The following NEXN variants were observed in gnomAD, a reference collection of about 807,000 sequenced individuals.
NEXN encodes nexilin F-actin binding protein, also known as nexilin.
A neutral mutation model predicts 92.6 loss-of-function variants in NEXN; 65 were observed. The ratio of observed to expected loss-of-function variants is 0.70; its 90% CI spans 0.57 to 0.86. NEXN has a LOEUF of 0.86. Among genes scored for constraint, NEXN ranks in the 40% least tolerant of loss-of-function variants. NEXN has a pLI of 0.00. For synonymous variants in NEXN, 254 were observed against 242.5 expected (o/e 1.05, Z -0.44); for missense variants, 778 against 771.1 (o/e 1.01, Z -0.11).
At chr1:77,921,887 C>A (rs1329923061) in intron 5 of NEXN, among the ~76,000 whole-genome samples, 1 of 152,066 alleles carries the variant, frequency 6.6e-6, no homozygotes, top group Non-Finnish European at 1.5e-5. Flanking sequence ...GTACTCAAGC[C>A]TGGGCAACAC....
intron 5 of NEXN, among the ~76,000 whole-genome samples, chr1:77,923,152 C>A (rs1293746441): frequency 1.3e-5 from 2 of 149,350 alleles, no homozygotes; most frequent in African/African-American, 2.5e-5. Context: ...TGCCACGACA[C>A]CCAGCTAATT....
At chr1:77,932,368 A>G (rs1650378863) in intron 9 of NEXN, among the ~76,000 whole-genome samples, 1 of 152,232 alleles carries the variant, frequency 6.6e-6, no homozygotes, top group South Asian at 2.1e-4. Flanking sequence ...ATAGGGTCAT[A>G]GGATTAAATA....
intron 5 of NEXN, among the ~76,000 whole-genome samples, chr1:77,922,140 CTTTTT>C (rs11365279): frequency 2.7e-5 from 3 of 111,930 alleles, no homozygotes; most frequent in Non-Finnish European, 1.9e-5. Flanking sequence ...AAAGAGAAGT[CTTTTT>C]TTTTTTTTTT....
chr1:77,917,156 T>C (rs956294917), intron 2 of NEXN, among the ~76,000 whole-genome samples: 2 of 152,224 alleles, frequency 1.3e-5, no homozygotes, highest in African/African-American at 4.8e-5. Context: ...GTTTTCAACT[T>C]CACCAAATTT....
chr1:77,889,801 T>G (rs975762264), intron 1 of NEXN, among the ~76,000 whole-genome samples: 5 of 152,192 alleles, frequency 3.3e-5, no homozygotes, highest in African/African-American at 4.8e-5. Context: ...ATATCATTCA[T>G]CGTTAAATTT....
rs1651555151 is a variant in NEXN at position 77,943,245 on chromosome 1, A to AC, written c.*416_*417insC. ...TGTTTAAAAAACAAAAACAAAAAAA[A>AC]AACACACAAACCTAAGTAGAATACA... On this transcript the variant is annotated 3_prime_UTR_variant, in exon 13 of 13. Transcript: ENST00000334785. 4.4e-6 allele frequency: 1 copy of AC among 228,132 alleles called. No individual in the cohort carries two copies. The highest frequency in any genetic ancestry group is 2.3e-5 in the African/African-American group (1 of 42,748). The allele number at this position is 228,132 out of a possible 1,614,324, so 14.1% of individuals were successfully genotyped here. A position where few individuals can be genotyped will look rare whatever the true frequency, so the allele number is the denominator to read the frequency against.
intron 1 of NEXN, among the ~76,000 whole-genome samples, chr1:77,891,002 T>C (rs1006328722): frequency 1.3e-5 from 2 of 152,216 alleles, no homozygotes; most frequent in Admixed American, 1.3e-4. Context: ...CAATCTGCGG[T>C]CCATATCACC....
rs763871072 is a variant in NEXN, at chr1:77,916,129, CTGAGG to C, written c.25_27+2del. 3.1e-6 allele frequency: 5 copies of C among 1,604,976 alleles called. No individual in the cohort carries two copies. Among genetic ancestry groups the C allele is most frequent in the Non-Finnish European group, 4.3e-6 (5 of 1,174,572 alleles). On this transcript the variant is annotated splice_donor_variant and coding_sequence_variant, in exon 2 of 13. Transcript: ENST00000334785. LOFTEE classifies it high-confidence loss of function. ...AACATGAATGATATTTCCCAAAAGG[CTGAGG>C]TAAGTCTCAAAAGTAAAAATAAAAA...
At chr1:77,934,210 A>C (rs2102149972) in intron 10 of NEXN, among the ~76,000 whole-genome samples, 1 of 152,108 alleles carries the variant, frequency 6.6e-6, no homozygotes, top group East Asian at 1.9e-4. Flanking sequence ...GGGTTTCACC[A>C]TGTCGGCCAG....
chr1:77,929,262 A>G, intron 8 of NEXN, 54 bp from the exon 9 acceptor site: 1 of 1,291,138 alleles, frequency 7.7e-7, no homozygotes, highest in South Asian at 1.2e-5. Context: ...TTAATAATTC[A>G]TTCCTTTTTC....
intron 1 of NEXN, among the ~76,000 whole-genome samples, chr1:77,901,604 T>C (rs1479762762): frequency 6.6e-6 from 1 of 152,162 alleles, no homozygotes; most frequent in Non-Finnish European, 1.5e-5. Context: ...CAAGGTGCAA[T>C]GGAGCCGAAT....
intron 5 of NEXN, among the ~76,000 whole-genome samples, chr1:77,923,603 C>T (rs1391826520): frequency 6.6e-6 from 1 of 151,720 alleles, no homozygotes; most frequent in African/African-American, 2.4e-5. Context: ...ATTATGTTTG[C>T]TAAGAAGAGT....
chr1:77,936,176 A>C, intron 11 of NEXN, 132 bp downstream of exon 11: 1 of 675,668 alleles, frequency 1.5e-6, no homozygotes, highest in East Asian at 2.8e-5. Context: ...CTGGGAAGTA[A>C]ATAGCAAAAC....
intron 1 of NEXN, among the ~76,000 whole-genome samples, chr1:77,908,743 T>G (rs889605077): frequency 1.3e-5 from 2 of 152,154 alleles, no homozygotes; most frequent in Non-Finnish European, 2.9e-5. Flanking sequence ...AAGATAGGTT[T>G]TTTCCTAAAT....
chr1:77,942,758 A>G lies in NEXN; in HGVS notation c.1957A>G (p.Met653Val), dbSNP rs765745920. The G allele has an allele frequency of 1.1e-5, 18 of 1,613,626 alleles. No homozygotes were observed. In the Admixed American group the frequency reaches 2.2e-4, roughly 19 times the overall value. Reference sequence around the variant, plus strand: ...TTTCCCAGAAGATGGAGGAGAGTATATGTGTAAAGCAGTCAACAATAAAGG... The same window carrying G: ...TTTCCCAGAAGATGGAGGAGAGTATGTGTGTAAAGCAGTCAACAATAAAGG... ...ETFPEDGGEYMCKAVNNKGSA... is the reference protein window; with the variant it reads ...ETFPEDGGEYVCKAVNNKGSA... Residue 653 changes from methionine (M) to valine (V), a missense_variant, in exon 13 of 13, where the codon ATG (methionine) becomes GTG (valine). Met to Val is a conservative substitution (Grantham distance 21). Coordinates refer to ENST00000334785, the MANE Select transcript of NEXN (RefSeq NM_144573.4).
intron 3 of NEXN, 83 bp from the exon 4 acceptor site, chr1:77,917,877 G>T (rs1366321348): frequency 1.9e-5 from 28 of 1,444,866 alleles, no homozygotes; most frequent in Admixed American, 1.4e-4. Context: ...TTCTGTATTT[G>T]TAACCTAATT....
intron 5 of NEXN, among the ~76,000 whole-genome samples, chr1:77,920,206 A>G (rs1259254447): frequency 6.6e-6 from 1 of 152,118 alleles, no homozygotes; most frequent in Non-Finnish European, 1.5e-5. Flanking sequence ...TAGTAATTTT[A>G]TCTTGTAAAT....
chr1:77,907,712 A>G (rs1648220290), intron 1 of NEXN, among the ~76,000 whole-genome samples: 1 of 152,204 alleles, frequency 6.6e-6, no homozygotes, highest in Non-Finnish European at 1.5e-5. Context: ...AAGTCAAGAT[A>G]TAATTTGAGG....
chr1:77,901,197 G>C (rs905603081), intron 1 of NEXN, among the ~76,000 whole-genome samples: 9 of 152,088 alleles, frequency 5.9e-5, no homozygotes, highest in Admixed American at 5.9e-4. Flanking sequence ...CTACATATTA[G>C]TATAAGGTCA....
Sources: allele counts gnomAD v4.1 joint callset (sites outside exome capture counted in the v4.1 genomes callset), GRCh38; gene constraint gnomAD v4.1.1; transcripts MANE v1.5; gene names NCBI Gene and HGNC (gene_info 2026-07-23, HGNC 2026-07-21).